ZNF804A: variants seen among roughly 807,000 people sequenced by gnomAD.
ZNF804A encodes the protein zinc finger protein 804A.
Under a neutral mutation model 16.5 loss-of-function variants are expected in ZNF804A, and 2 were observed. That is an observed-to-expected ratio of 0.12 (90% CI 0.05 to 0.38). ZNF804A has a LOEUF of 0.38. ZNF804A is among the 10% of genes least tolerant of loss of function. The probability of loss-of-function intolerance (pLI) is 0.99; values close to 1 mark genes in which losing one functional copy is unlikely to be tolerated. For missense variants in ZNF804A, 1,473 were observed against 1,390.7 expected, an observed-to-expected ratio of 1.06 and a Z score of -0.94; for synonymous variants, 534 against 489.6, an observed-to-expected ratio of 1.09 and a Z score of -1.20.
chr2:184,608,733 A>G (rs578224363), intron 1 of ZNF804A, among the ~76,000 whole-genome samples: 3 of 152,208 alleles, frequency 2.0e-5, no homozygotes, highest in African/African-American at 7.2e-5. Context: ...GATGATTGCA[A>G]GAGAAGGTAG....
intron 1 of ZNF804A, among the ~76,000 whole-genome samples, chr2:184,847,001 A>G (rs759591925): frequency 2.6e-5 from 4 of 152,168 alleles, no homozygotes; most frequent in African/African-American, 9.6e-5. Flanking sequence ...TTTATCAGCT[A>G]AATAATCACA....
intron 2 of ZNF804A, among the ~76,000 whole-genome samples, chr2:184,888,110 C>A (rs893625903): frequency 1.3e-5 from 2 of 151,946 alleles, no homozygotes; most frequent in South Asian, 2.1e-4. Flanking sequence ...GTACATGTAA[C>A]CCTGAACCTA....
At chr2:184,831,119 C>T (rs1444382067) in intron 1 of ZNF804A, among the ~76,000 whole-genome samples, 1 of 151,860 alleles carries the variant, frequency 6.6e-6, no homozygotes, top group East Asian at 1.9e-4. Context: ...TTCTAAAATG[C>T]GAGAGGAGAG....
intron 2 of ZNF804A, among the ~76,000 whole-genome samples, chr2:184,889,426 A>G (rs978886032): frequency 3.9e-5 from 6 of 151,958 alleles, no homozygotes; most frequent in African/African-American, 1.4e-4. Flanking sequence ...TATTTTTATT[A>G]TTGTCAAAAT....
chr2:184,748,633 A>G (rs1693831294), intron 1 of ZNF804A, among the ~76,000 whole-genome samples: 1 of 151,270 alleles, frequency 6.6e-6, no homozygotes, highest in East Asian at 1.9e-4. Flanking sequence ...TATTTTAATT[A>G]GGCCCTATTT....
At chr2:184,924,721 G>T (rs987384804) in intron 2 of ZNF804A, among the ~76,000 whole-genome samples, 2 of 151,616 alleles carry the variant, frequency 1.3e-5, no homozygotes, top group Non-Finnish European at 3.0e-5. Flanking sequence ...GTATCCCATA[G>T]ATTTTTGTAT....
At chr2:184,901,005 C>T (rs1685172149) in intron 2 of ZNF804A, among the ~76,000 whole-genome samples, 2 of 152,144 alleles carry the variant, frequency 1.3e-5, no homozygotes, top group African/African-American at 4.8e-5. Context: ...TTATTTATCT[C>T]CATATGCTTG....
At chr2:184,695,562 C>T (rs555156682) in intron 1 of ZNF804A, among the ~76,000 whole-genome samples, 6 of 148,840 alleles carry the variant, frequency 4.0e-5, no homozygotes, top group Admixed American at 2.7e-4. Context: ...TGGAGTGCAT[C>T]GGCATGATCA....
intron 1 of ZNF804A, among the ~76,000 whole-genome samples, chr2:184,770,054 A>G (rs1408734168): frequency 1.3e-5 from 2 of 152,112 alleles, no homozygotes; most frequent in Non-Finnish European, 2.9e-5. Flanking sequence ...TTAAGTATAT[A>G]TACAGTTTAT....
chr2:184,911,875 T>C (rs1221137510), intron 2 of ZNF804A, among the ~76,000 whole-genome samples: 1 of 152,108 alleles, frequency 6.6e-6, no homozygotes, highest in Non-Finnish European at 1.5e-5. Flanking sequence ...TTTCCTACAA[T>C]TTTCCCTTTG....
At chr2:184,799,405 T>A (rs1694688224) in intron 1 of ZNF804A, among the ~76,000 whole-genome samples, 1 of 151,636 alleles carries the variant, frequency 6.6e-6, no homozygotes, top group East Asian at 1.9e-4. Context: ...TGTTTTGAAG[T>A]TTTTTTGCAT....
intron 1 of ZNF804A, among the ~76,000 whole-genome samples, chr2:184,841,893 C>A (rs1434186158): frequency 1.3e-5 from 2 of 152,088 alleles, no homozygotes; most frequent in Admixed American, 1.3e-4. Context: ...CAAACTTCAC[C>A]ATTACATGGT....
At chr2:184,690,963 G>A (rs1692715587) in intron 1 of ZNF804A, among the ~76,000 whole-genome samples, 1 of 151,742 alleles carries the variant, frequency 6.6e-6, no homozygotes, top group Admixed American at 6.6e-5. Flanking sequence ...ATAAATATAT[G>A]CAAAAAAATT....
At chr2:184,711,334 T>C (rs1353011990) in intron 1 of ZNF804A, among the ~76,000 whole-genome samples, 1 of 151,756 alleles carries the variant, frequency 6.6e-6, no homozygotes, top group African/African-American at 2.4e-5. Context: ...ACATTCTTTG[T>C]CCATATTTTA....
intron 2 of ZNF804A, among the ~76,000 whole-genome samples, chr2:184,876,735 A>G (rs779402411): frequency 2.0e-5 from 3 of 152,114 alleles, no homozygotes; most frequent in Admixed American, 6.6e-5. Context: ...CCCCAAGTCA[A>G]CCTTATGGTT....
chr2:184,853,317 C>G (rs1039314384), intron 1 of ZNF804A, among the ~76,000 whole-genome samples: 1 of 151,858 alleles, frequency 6.6e-6, no homozygotes, highest in Non-Finnish European at 1.5e-5. Context: ...TTAGTTCTAA[C>G]AGAACTTTGG....
intron 1 of ZNF804A, among the ~76,000 whole-genome samples, chr2:184,822,124 G>A (rs1370485275): frequency 2.0e-5 from 3 of 151,998 alleles, no homozygotes; most frequent in East Asian, 1.9e-4. Flanking sequence ...TATGTTCATC[G>A]CAAGGCTATT....
At chr2:184,836,911 A>G (rs994082828) in intron 1 of ZNF804A, among the ~76,000 whole-genome samples, 8 of 151,800 alleles carry the variant, frequency 5.3e-5, no homozygotes, top group Non-Finnish European at 1.0e-4. Context: ...TTAAGCACTG[A>G]TAATATCAAA....
chr2:184,670,845 T>C (rs1692329696), intron 1 of ZNF804A, among the ~76,000 whole-genome samples: 2 of 152,102 alleles, frequency 1.3e-5, no homozygotes, highest in Non-Finnish European at 2.9e-5. Flanking sequence ...TAGATTCATC[T>C]TGAATGGATG....
Sources: gnomAD v4.1 joint callset for allele counts (sites outside exome capture counted in the v4.1 genomes callset) on GRCh38, gnomAD v4.1.1 for gene constraint, MANE v1.5 for transcripts, NCBI Gene and HGNC (gene_info 2026-07-23, HGNC 2026-07-21) for gene names.